QTMAN: variants seen among roughly 807,000 people sequenced by gnomAD.
The protein encoded by QTMAN is tRNA-queuosine alpha-mannosyltransferase.
At chr2:144,149,956 G>A in the QTMAN span, among the ~76,000 whole-genome samples, 1 of 151,994 alleles carries the variant, frequency 6.6e-6, no homozygotes, top group African/African-American at 2.4e-5. Context: ...AAATGGTACA[G>A]AAGGGAAGTG....
At chr2:144,145,764 T>C in the QTMAN span, 1 of 1,595,140 alleles carries the variant, frequency 6.3e-7, no homozygotes. Flanking sequence ...AATTGGGGTT[T>C]ACTGTCCCAA....
At chr2:144,318,763 A>G in the QTMAN span, among the ~76,000 whole-genome samples, 1 of 152,226 alleles carries the variant, frequency 6.6e-6, no homozygotes, top group Non-Finnish European at 1.5e-5. Context: ...TGAACTGTAT[A>G]TGCTATATAA....
the QTMAN span, among the ~76,000 whole-genome samples, chr2:143,992,755 T>C: frequency 6.6e-6 from 1 of 152,072 alleles, no homozygotes; most frequent in East Asian, 1.9e-4. Context: ...AGGCCTAATA[T>C]GTAAGAGGCA....
At chr2:144,274,878 T>C in the QTMAN span, among the ~76,000 whole-genome samples, 10 of 152,064 alleles carry the variant, frequency 6.6e-5, no homozygotes, top group Admixed American at 3.9e-4. Flanking sequence ...GGACTTGCAA[T>C]TGGCATCTGA....
chr2:144,301,739 G>GC, the QTMAN span, among the ~76,000 whole-genome samples: 1 of 152,158 alleles, frequency 6.6e-6, no homozygotes, highest in African/African-American at 2.4e-5. Flanking sequence ...TGGAGGAAAT[G>GC]CAAGTATTAA....
chr2:144,284,114 C>T, the QTMAN span, among the ~76,000 whole-genome samples: 1 of 151,784 alleles, frequency 6.6e-6, no homozygotes, highest in Non-Finnish European at 1.5e-5. Context: ...TTTACAAAAA[C>T]AAATAATCAT....
chr2:144,096,619 T>C, the QTMAN span, among the ~76,000 whole-genome samples: 2 of 152,204 alleles, frequency 1.3e-5, no homozygotes, highest in African/African-American at 4.8e-5. Flanking sequence ...CTAACAGCTG[T>C]TTTCATTATT....
the QTMAN span, among the ~76,000 whole-genome samples, chr2:144,278,202 GAA>G: frequency 6.6e-6 from 1 of 152,178 alleles, no homozygotes; most frequent in Non-Finnish European, 1.5e-5. Context: ...GTTGCATCTA[GAA>G]GCTCAGCCTA....
At chr2:144,075,297 C>T in the QTMAN span, among the ~76,000 whole-genome samples, 2 of 152,104 alleles carry the variant, frequency 1.3e-5, no homozygotes, top group African/African-American at 2.4e-5. Context: ...TAATCTGGGT[C>T]GTAACACGCA....
At chr2:144,136,395 A>AAAGGAAAGGAAAGGAAAGGAAAGG in the QTMAN span, among the ~76,000 whole-genome samples, 26 of 97,452 alleles carry the variant, frequency 2.7e-4, 1 homozygote, top group African/African-American at 1.3e-3. Context: ...AAGGAAAAGG[A>AAAGGAAAGGAAAGGAAAGGAAAGG]AAAGGAAAGG....
At chr2:144,108,269 A>G in the QTMAN span, among the ~76,000 whole-genome samples, 1 of 152,226 alleles carries the variant, frequency 6.6e-6, no homozygotes, top group Non-Finnish European at 1.5e-5. Flanking sequence ...ATCAGGCAGG[A>G]GAAAGAAATA....
chr2:144,084,217 C>T, the QTMAN span, among the ~76,000 whole-genome samples: 1 of 152,214 alleles, frequency 6.6e-6, no homozygotes, highest in Non-Finnish European at 1.5e-5. Context: ...AGCCCATGGG[C>T]AACCAGCTGG....
At chr2:144,078,295 T>C in the QTMAN span, among the ~76,000 whole-genome samples, 2 of 152,232 alleles carry the variant, frequency 1.3e-5, no homozygotes, top group African/African-American at 2.4e-5. Flanking sequence ...GGTGTCACTA[T>C]AGTCCTACAC....
chr2:143,987,554 G>T, the QTMAN span, among the ~76,000 whole-genome samples: 1 of 152,170 alleles, frequency 6.6e-6, no homozygotes, highest in Non-Finnish European at 1.5e-5. Context: ...AATGACTGGG[G>T]AGTTCTCTGA....
chr2:144,007,343 G>A, the QTMAN span: 14 of 1,613,062 alleles, frequency 8.7e-6, no homozygotes, highest in African/African-American at 1.9e-4. Flanking sequence ...GTCTTAATGA[G>A]TTACCCAAAT....
the QTMAN span, among the ~76,000 whole-genome samples, chr2:144,147,079 G>T: frequency 6.6e-6 from 1 of 151,662 alleles, no homozygotes; most frequent in Non-Finnish European, 1.5e-5. Flanking sequence ...CTAACTTCAG[G>T]TGTTTATATG....
chr2:144,248,758 A>AAAC, the QTMAN span, among the ~76,000 whole-genome samples: 1 of 152,160 alleles, frequency 6.6e-6, no homozygotes, highest in Non-Finnish European at 1.5e-5. Context: ...TAAAAAAAAA[A>AAAC]AACAGAGTAT....
At chr2:144,167,288 C>T in the QTMAN span, among the ~76,000 whole-genome samples, 1 of 152,200 alleles carries the variant, frequency 6.6e-6, no homozygotes, top group Non-Finnish European at 1.5e-5. Flanking sequence ...CAATCATCCT[C>T]ACAGCTTCAT....
chr2:144,130,030 C>A, the QTMAN span, among the ~76,000 whole-genome samples: 1 of 147,718 alleles, frequency 6.8e-6, no homozygotes, highest in Non-Finnish European at 1.5e-5. Context: ...GGAAGGCTTT[C>A]TTTTTCAATA....
Sources: allele counts gnomAD v4.1 joint callset (sites outside exome capture counted in the v4.1 genomes callset), GRCh38; gene constraint gnomAD v4.1.1; transcripts MANE v1.5; gene names NCBI Gene and HGNC (gene_info 2026-07-23, HGNC 2026-07-21).